EBF1: variants seen among roughly 807,000 people sequenced by gnomAD.
The protein encoded by EBF1 is transcription factor COE1.
Under a neutral mutation model 68.4 loss-of-function variants are expected in EBF1, and 10 were observed. The observed-to-expected ratio is 0.15, with a 90% CI of 0.09 to 0.25. The LOEUF is 0.25. Among genes scored for constraint, EBF1 ranks in the 10% least tolerant of loss-of-function variants. The probability of loss-of-function intolerance (pLI) is 1.00; values close to 1 mark genes in which losing one functional copy is unlikely to be tolerated. For synonymous variants in EBF1, 298 were observed against 299.8 expected, an observed-to-expected ratio of 0.99 and a Z score of 0.06; for missense variants, 509 against 794.4, an observed-to-expected ratio of 0.64 and a Z score of 4.32.
intron 6 of EBF1, among the ~76,000 whole-genome samples, chr5:159,047,648 T>G (rs1262856403): frequency 6.6e-6 from 1 of 152,192 alleles, no homozygotes. Context: ...ACATGAATTT[T>G]ATGTTCCCCT....
At position 159,097,128 on chromosome 5, in the gene EBF1, C is replaced by G; in HGVS notation, c.137G>C (p.Gly46Ala). The change falls in exon 2 of 16, where the codon GGG (glycine) becomes GCG (alanine). Residue 46 changes from glycine (G) to alanine (A), a missense_variant and splice_region_variant. Gly to Ala is a moderately conservative substitution (Grantham distance 60). Coordinates refer to ENST00000313708, the MANE Select transcript of EBF1 (RefSeq NM_024007.5). The part of the protein sequence containing the change: ...VLDANTAAQS[G>A]VGLARAHFEK... ...AAAGTGAGCCCGGGCCAGACCCACC[C>G]CGCTGCGGCCAAAGACGCAGAGTTA... 1.2e-6 allele frequency: 2 copies of G among 1,613,420 alleles called. No homozygotes were observed. Among genetic ancestry groups the G allele is most frequent in the Non-Finnish European group, 1.7e-6 (2 of 1,179,786 alleles).
At chr5:159,057,047 A>T (rs1159516238) in intron 6 of EBF1, among the ~76,000 whole-genome samples, 1 of 150,526 alleles carries the variant, frequency 6.6e-6, no homozygotes, top group African/African-American at 2.4e-5. Flanking sequence ...ATGATGGGAT[A>T]TTCTGTAGCT....
intron 6 of EBF1, among the ~76,000 whole-genome samples, chr5:158,852,036 T>TGGGGA (rs1250098732): frequency 5.4e-5 from 1 of 18,554 alleles, no homozygotes; most frequent in Non-Finnish European, 9.1e-5. Context: ...AGGGAAAGGG[T>TGGGGA]GGGGAGGGGA....
intron 6 of EBF1, among the ~76,000 whole-genome samples, chr5:158,895,749 T>C (rs532425271): frequency 5.3e-5 from 8 of 152,302 alleles, no homozygotes; most frequent in African/African-American, 1.7e-4. Context: ...CAGTGATCCC[T>C]TGAGGCAGAA....
At chr5:158,908,814 G>A (rs1364613916) in intron 6 of EBF1, among the ~76,000 whole-genome samples, 2 of 152,214 alleles carry the variant, frequency 1.3e-5, no homozygotes, top group East Asian at 3.9e-4. Flanking sequence ...TGAGAACCAG[G>A]ACGGGTTGGC....
chr5:158,760,544 CTATT>C lies in EBF1; in HGVS notation c.1036+16865_1036+16868del, dbSNP rs1319909457. Among the ~76,000 whole-genome samples the C allele has an allele frequency of 1.1e-4, 16 of 152,182 alleles. 1 individual carries two copies. The highest frequency in any genetic ancestry group is 3.6e-4 in the African/African-American group (15 of 41,524). On this transcript the variant is annotated intron_variant, in intron 10 of 15. Transcript: ENST00000313708. ...CTTTAAGGCAATATAGATTTCTGAG[CTATT>C]TATTTATTTATTATTATTATTGCAG...
intron 6 of EBF1, among the ~76,000 whole-genome samples, chr5:158,890,469 T>A (rs1400030523): frequency 6.6e-6 from 1 of 152,252 alleles, no homozygotes; most frequent in African/African-American, 2.4e-5. Context: ...TTTAATTTTC[T>A]TTTCTAAAGA....
At chr5:159,087,785 G>A (rs1780978520) in intron 4 of EBF1, among the ~76,000 whole-genome samples, 1 of 152,052 alleles carries the variant, frequency 6.6e-6, no homozygotes, top group African/African-American at 2.4e-5. Context: ...ATACCACACT[G>A]CCACTATGCT....
intron 10 of EBF1, among the ~76,000 whole-genome samples, chr5:158,760,826 C>A (rs866872479): frequency 6.6e-6 from 1 of 152,126 alleles, no homozygotes. Flanking sequence ...TATTTTACAA[C>A]CTTTTTTATC....
intron 6 of EBF1, among the ~76,000 whole-genome samples, chr5:158,855,520 G>A (rs76299364): frequency 0.015 from 2,273 of 152,252 alleles, 56 homozygotes; most frequent in African/African-American, 0.051. Flanking sequence ...TCCCCACCCT[G>A]GGTCCTGGAG....
At chr5:158,989,039 T>G (rs1759725054) in intron 6 of EBF1, among the ~76,000 whole-genome samples, 1 of 152,152 alleles carries the variant, frequency 6.6e-6, no homozygotes, top group East Asian at 1.9e-4. Flanking sequence ...ATCGTTGACG[T>G]GTCCTTCAGT....
intron 6 of EBF1, among the ~76,000 whole-genome samples, chr5:158,848,662 TTG>T (rs781329042): frequency 6.6e-6 from 1 of 152,214 alleles, no homozygotes; most frequent in African/African-American, 2.4e-5. Context: ...GTCACTACTT[TTG>T]TGTGTGTTTC....
At position 158,735,437 on chromosome 5, in the gene EBF1, G is replaced by A. The variant is rs549617790; in HGVS notation, c.1037-4280C>T. On this transcript the variant is annotated intron_variant, in intron 10 of 15. Coordinates refer to ENST00000313708, the MANE Select transcript of EBF1 (RefSeq NM_024007.5). Reference sequence around the variant, plus strand: ...GAAAGATATTTACTGAACCCACATAGTAGGACTTCGTGGAGTTGTGTACAG... The same window carrying A: ...GAAAGATATTTACTGAACCCACATAATAGGACTTCGTGGAGTTGTGTACAG... Among the ~76,000 whole-genome samples, 6 of 152,314 alleles carry A rather than the reference G, an allele frequency of 3.9e-5. No individual in the cohort carries two copies. The East Asian group carries it at 1.2e-3, about 29-fold the overall frequency.
At chr5:158,749,505 G>T (rs148503823) in intron 10 of EBF1, among the ~76,000 whole-genome samples, 2 of 152,218 alleles carry the variant, frequency 1.3e-5, no homozygotes, top group Non-Finnish European at 2.9e-5. Flanking sequence ...CTTTGGTGTG[G>T]AAGGCACCAC....
intron 6 of EBF1, among the ~76,000 whole-genome samples, chr5:158,858,724 T>C (rs931575860): frequency 2.6e-5 from 4 of 152,184 alleles, no homozygotes; most frequent in African/African-American, 9.7e-5. Flanking sequence ...TTCTGAAACA[T>C]ACATTTTTAA....
intron 6 of EBF1, among the ~76,000 whole-genome samples, chr5:159,024,605 A>T (rs1041959479): frequency 3.3e-5 from 5 of 152,236 alleles, no homozygotes; most frequent in Non-Finnish European, 7.3e-5. Context: ...AGGATAGTCA[A>T]AGTAATATGC....
At chr5:158,758,724 T>C (rs1404019529) in intron 10 of EBF1, among the ~76,000 whole-genome samples, 1 of 152,160 alleles carries the variant, frequency 6.6e-6, no homozygotes, top group Non-Finnish European at 1.5e-5. Context: ...TTATTCAAAC[T>C]GAGATGACGT....
chr5:158,994,795 G>A (rs1583768194), intron 6 of EBF1, among the ~76,000 whole-genome samples: 1 of 152,166 alleles, frequency 6.6e-6, no homozygotes, highest in African/African-American at 2.4e-5. Context: ...AAACTAATAT[G>A]GCAGAAAATT....
chr5:158,723,483 C>A (rs1295680735), intron 11 of EBF1, among the ~76,000 whole-genome samples: 2 of 152,096 alleles, frequency 1.3e-5, no homozygotes, highest in Admixed American at 6.5e-5. Flanking sequence ...GCTTATCAGG[C>A]AATAACCAGC....
Sources: gnomAD v4.1 joint callset for allele counts (sites outside exome capture counted in the v4.1 genomes callset) on GRCh38, gnomAD v4.1.1 for gene constraint, MANE v1.5 for transcripts, NCBI Gene and HGNC (gene_info 2026-07-23, HGNC 2026-07-21) for gene names.